Variants in PITPNM3 observed in about 807,000 individuals in gnomAD.
The protein encoded by PITPNM3 is PITPNM family member 3.
Under a neutral mutation model 102.0 loss-of-function variants are expected in PITPNM3, and 26 were observed. The ratio of observed to expected loss-of-function variants is 0.25; its 90% confidence interval spans 0.19 to 0.35. The LOEUF is 0.35. PITPNM3 is among the 10% of genes least tolerant of loss of function. The probability of loss-of-function intolerance (pLI) is 1.00; values close to 1 mark genes in which losing one functional copy is unlikely to be tolerated. For missense variants in PITPNM3, 1,083 were observed against 1,346.1 expected (o/e 0.80, Z 3.06); for synonymous variants, 578 against 558.6 (o/e 1.03, Z -0.49).
chr17:6,533,486 GC>G (rs35605371), intron 2 of PITPNM3, among the ~76,000 whole-genome samples: 39,212 of 151,744 alleles, frequency 0.26, 5,518 homozygotes, highest in East Asian at 0.34. Context: ...GCAGAGTCTC[GC>G]CCTGTCACCC....
At chr17:6,505,458 T>G (rs1907445969) in intron 3 of PITPNM3, among the ~76,000 whole-genome samples, 1 of 151,934 alleles carries the variant, frequency 6.6e-6, no homozygotes, top group Non-Finnish European at 1.5e-5. Context: ...GGGGCCCAGA[T>G]AGAGAACAGA....
At chr17:6,508,721 T>G (rs1907690363) in intron 3 of PITPNM3, among the ~76,000 whole-genome samples, 1 of 152,128 alleles carries the variant, frequency 6.6e-6, no homozygotes, top group African/African-American at 2.4e-5. Context: ...GAGCCAGGCA[T>G]CCCAGGGTTC....
At chr17:6,506,379 CTT>C (rs55749537) in intron 3 of PITPNM3, among the ~76,000 whole-genome samples, 81,459 of 140,274 alleles carry the variant, frequency 0.58, 23,823 homozygotes, top group Middle Eastern at 0.71. Flanking sequence ...TCCTTTCTCT[CTT>C]TTTTTTTTTT....
chr17:6,483,679 G>A lies in PITPNM3; in HGVS notation c.425C>T (p.Thr142Met), dbSNP rs749379406. The change falls in exon 6 of 20, where the codon ACG (threonine) becomes ATG (methionine). Residue 142 changes from threonine to methionine, a missense_variant. Thr to Met is a moderately conservative substitution (Grantham distance 81). Coordinates refer to ENST00000262483, the MANE Select transcript of PITPNM3 (RefSeq NM_031220.4). ...LVLHGGNILD[T>M]GAGDPSCKAA... ...CTTGCAGGACGGGTCCCCGGCACCC[G>A]TGTCCAGGATGTTTCCCCCATGCAG... 1.4e-5 allele frequency: 22 copies of A among 1,614,026 alleles called. No individual in the cohort carries two copies. The highest frequency in any genetic ancestry group is 1.6e-4 in the Middle Eastern group (1 of 6,062).
At chr17:6,497,130 G>A (rs1906878681) in intron 4 of PITPNM3, among the ~76,000 whole-genome samples, 1 of 152,192 alleles carries the variant, frequency 6.6e-6, no homozygotes, top group Non-Finnish European at 1.5e-5. Context: ...TCAGCAAGCT[G>A]CCCACACAGG....
chr17:6,483,432 CA>C, intron 6 of PITPNM3, 84 bp downstream of exon 6: 1 of 1,325,540 alleles, frequency 7.5e-7, no homozygotes, highest in Non-Finnish European at 1.1e-6. Context: ...CCCACCTGCC[CA>C]CGGGGTCCAT....
At chr17:6,502,960 A>C (rs368698167) in intron 4 of PITPNM3, among the ~76,000 whole-genome samples, 2 of 152,196 alleles carry the variant, frequency 1.3e-5, no homozygotes, top group African/African-American at 4.8e-5. Flanking sequence ...TATAACACAG[A>C]GGACAGGGAC....
chr17:6,510,903 G>T lies in PITPNM3; in HGVS notation c.227-7329C>A, dbSNP rs566057391. On this transcript the variant is annotated intron_variant, in intron 3 of 19. Transcript: ENST00000262483. ...GCCGGGGCAAAGGCAGGAAGCTGACGAGCTCCGCATGAGCCCAGGGATCTC... is the reference window on the plus strand; with the variant it reads ...GCCGGGGCAAAGGCAGGAAGCTGACTAGCTCCGCATGAGCCCAGGGATCTC... Among the ~76,000 whole-genome samples, 20 of 152,356 alleles carry T rather than the reference G, an allele frequency of 1.3e-4. No individual in the cohort carries two copies. In the East Asian group the frequency reaches 3.7e-3, roughly 28 times the overall value.
At chr17:6,529,454 C>T (rs1436576532) in intron 2 of PITPNM3, among the ~76,000 whole-genome samples, 6 of 151,852 alleles carry the variant, frequency 4.0e-5, no homozygotes, top group Non-Finnish European at 7.4e-5. Context: ...ATTAGCTGGG[C>T]GTGGGGGCGG....
intron 4 of PITPNM3, among the ~76,000 whole-genome samples, chr17:6,499,066 C>T (rs1907013155): frequency 6.6e-6 from 1 of 152,092 alleles, no homozygotes; most frequent in Non-Finnish European, 1.5e-5. Flanking sequence ...CACAGCAACT[C>T]GGCAGTAGGT....
chr17:6,468,775 G>A lies in PITPNM3; in HGVS notation c.1774-434C>T, dbSNP rs980133639. ...TCCCTCCGCTAGATCACTCTCCTTAGCATTCAAATACGTGTAATACTGCCC... is the reference window on the plus strand; with the variant it reads ...TCCCTCCGCTAGATCACTCTCCTTAACATTCAAATACGTGTAATACTGCCC... On this transcript the variant is annotated intron_variant, in intron 13 of 19. Coordinates refer to ENST00000262483, the MANE Select transcript of PITPNM3 (RefSeq NM_031220.4). This position sits in a 1 kb window ranked among gnomAD's most constrained non-coding sequence, Gnocchi z 5.2. Among the ~76,000 whole-genome samples the A allele has an allele frequency of 6.6e-6, 1 of 152,100 alleles. No individual in the cohort carries two copies. The highest frequency in any genetic ancestry group is 1.5e-5 in the Non-Finnish European group (1 of 68,014).
At chr17:6,508,718 G>C (rs1485412776) in intron 3 of PITPNM3, among the ~76,000 whole-genome samples, 1 of 152,182 alleles carries the variant, frequency 6.6e-6, no homozygotes, top group Admixed American at 6.5e-5. Context: ...CCTGAGCCAG[G>C]CATCCCAGGG....
At chr17:6,502,076 G>A (rs181001742) in intron 4 of PITPNM3, among the ~76,000 whole-genome samples, 1 of 152,360 alleles carries the variant, frequency 6.6e-6, no homozygotes, top group African/African-American at 2.4e-5. Flanking sequence ...GCCTTGGGGT[G>A]CCCCTGACAA....
chr17:6,543,234 C>T (rs1909822834), intron 1 of PITPNM3, among the ~76,000 whole-genome samples: 1 of 152,184 alleles, frequency 6.6e-6, no homozygotes, highest in African/African-American at 2.4e-5. Flanking sequence ...CCAGGGTGGT[C>T]TCCTGGACCT....
At chr17:6,550,289 A>G (rs867815896) in intron 1 of PITPNM3, among the ~76,000 whole-genome samples, 2 of 152,154 alleles carry the variant, frequency 1.3e-5, no homozygotes, top group African/African-American at 4.8e-5. Context: ...ATTTAACCCT[A>G]CTGGGCCTCA....
intron 3 of PITPNM3, among the ~76,000 whole-genome samples, chr17:6,518,830 G>T (rs1162662921): frequency 6.6e-6 from 1 of 152,146 alleles, no homozygotes; most frequent in African/African-American, 2.4e-5. Context: ...GAAGTTAATT[G>T]TTTTCAACTT....
At chr17:6,544,206 G>T (rs945135868) in intron 1 of PITPNM3, among the ~76,000 whole-genome samples, 1 of 152,210 alleles carries the variant, frequency 6.6e-6, no homozygotes, top group Non-Finnish European at 1.5e-5. Context: ...AATGCTGGAT[G>T]GACTTAAGCA....
At chr17:6,547,254 G>A (rs1212390620) in intron 1 of PITPNM3, among the ~76,000 whole-genome samples, 1 of 152,106 alleles carries the variant, frequency 6.6e-6, no homozygotes, top group Non-Finnish European at 1.5e-5. Flanking sequence ...GTTGCTTTGG[G>A]GAAAATGTGC....
At chr17:6,477,694 C>T (rs550286341) in intron 8 of PITPNM3, among the ~76,000 whole-genome samples, 6 of 152,268 alleles carry the variant, frequency 3.9e-5, no homozygotes, top group African/African-American at 1.4e-4. Context: ...TACAGGCACC[C>T]ACCACCATGC....
Sources: gnomAD v4.1 joint callset for allele counts (sites outside exome capture counted in the v4.1 genomes callset) on GRCh38, gnomAD v4.1.1 for gene constraint, Gnocchi (gnomAD v3.1) non-coding constraint, MANE v1.5 for transcripts, NCBI Gene and HGNC (gene_info 2026-07-23, HGNC 2026-07-21) for gene names.